Variants in RAPGEF4 observed in about 807,000 individuals in gnomAD.
The protein encoded by RAPGEF4 is Rap guanine nucleotide exchange factor 4.
Under a neutral mutation model 147.9 loss-of-function variants are expected in RAPGEF4, and 66 were observed. The observed-to-expected ratio is 0.45, with a 90% CI of 0.37 to 0.55. RAPGEF4 has a LOEUF of 0.55. RAPGEF4 is among the 20% of genes least tolerant of loss of function. The pLI, the probability that RAPGEF4 is intolerant of heterozygous loss-of-function variation, is 0.00. For synonymous variants in RAPGEF4, 419 were observed against 442.7 expected, an observed-to-expected ratio of 0.95 and a Z score of 0.67; for missense variants, 1,071 against 1,257.3, an observed-to-expected ratio of 0.85 and a Z score of 2.24.
At chr2:172,816,455 A>G (rs1411473014) in intron 4 of RAPGEF4, among the ~76,000 whole-genome samples, 12 of 152,150 alleles carry the variant, frequency 7.9e-5, no homozygotes, top group African/African-American at 2.7e-4. Context: ...TAAAGGTTTG[A>G]TTAGATCAAG....
chr2:172,895,287 G>A (rs1301947589), intron 4 of RAPGEF4, among the ~76,000 whole-genome samples: 1 of 152,144 alleles, frequency 6.6e-6, no homozygotes, highest in Non-Finnish European at 1.5e-5. Flanking sequence ...TTGTCCATAG[G>A]ATTTAATTAA....
intron 4 of RAPGEF4, among the ~76,000 whole-genome samples, chr2:172,880,519 T>C (rs1575120825): frequency 6.6e-6 from 1 of 152,224 alleles, no homozygotes; most frequent in East Asian, 1.9e-4. Flanking sequence ...ATAAAAAGTC[T>C]AGATTTTGAA....
chr2:173,038,017 C>G (rs187665033), intron 29 of RAPGEF4, among the ~76,000 whole-genome samples: 1 of 152,234 alleles, frequency 6.6e-6, no homozygotes, highest in Admixed American at 6.5e-5. Context: ...ATTGCAAAGC[C>G]CAGTCTGGTC....
chr2:172,891,232 A>G (rs1323505415), intron 4 of RAPGEF4, among the ~76,000 whole-genome samples: 1 of 152,150 alleles, frequency 6.6e-6, no homozygotes, highest in Non-Finnish European at 1.5e-5. Context: ...CAGATCTCAC[A>G]CCCATGAAGA....
intron 25 of RAPGEF4, among the ~76,000 whole-genome samples, chr2:173,028,400 T>A (rs1696859435): frequency 6.6e-6 from 1 of 152,186 alleles, no homozygotes; most frequent in Non-Finnish European, 1.5e-5. Context: ...AGAAGCACAC[T>A]CTCTCTCTTC....
intron 4 of RAPGEF4, among the ~76,000 whole-genome samples, chr2:172,817,933 TTA>T (rs1410095551): frequency 3.4e-5 from 5 of 146,342 alleles, no homozygotes; most frequent in Non-Finnish European, 6.0e-5. Context: ...CATATTACAA[TTA>T]TATATATAAT....
At chr2:172,746,228 GT>G (rs1397108385) in intron 1 of RAPGEF4, among the ~76,000 whole-genome samples, 12 of 152,196 alleles carry the variant, frequency 7.9e-5, no homozygotes, top group Admixed American at 4.6e-4. Flanking sequence ...TTACATTCTT[GT>G]TTGGCTATCA....
At chr2:172,790,158 G>C (rs1332396552) in intron 1 of RAPGEF4, among the ~76,000 whole-genome samples, 1 of 151,944 alleles carries the variant, frequency 6.6e-6, no homozygotes, top group East Asian at 1.9e-4. Flanking sequence ...TAGATGTAAG[G>C]TAATATCTCA....
chr2:172,912,314 C>T (rs1559114899), intron 4 of RAPGEF4, among the ~76,000 whole-genome samples: 1 of 152,124 alleles, frequency 6.6e-6, no homozygotes, highest in Non-Finnish European at 1.5e-5. Context: ...AAAACCATAC[C>T]CATGTGCATC....
Position 172,795,068 on chromosome 2 carries a change from C to T in RAPGEF4, c.109C>T (p.Arg37Ter). ...CGAAGATGTGGATATAATCTTCACT[C>T]GACTGAAAGAAGTTAAAGCTTTTGA... ...SSEDVDIIFT[R>*]LKEVKAFEKF... is the part of the protein sequence containing the mutation. The change falls in exon 2 of 31, where the codon CGA (arginine) becomes TGA (stop). Residue 37 changes from arginine to a stop codon, truncating the protein, a stop_gained. Transcript: ENST00000397081. LOFTEE classifies it high-confidence loss of function. 1.9e-6 allele frequency: 3 copies of T among 1,613,848 alleles called. No homozygotes were observed. The highest frequency in any genetic ancestry group is 2.2e-5 in the East Asian group (1 of 44,864).
chr2:172,782,811 T>C (rs994279741), intron 1 of RAPGEF4, among the ~76,000 whole-genome samples: 3 of 152,202 alleles, frequency 2.0e-5, no homozygotes, highest in African/African-American at 7.2e-5. Context: ...GGGACAATTA[T>C]GGTAGACTTC....
At chr2:173,012,515 A>G (rs967818477) in intron 17 of RAPGEF4, among the ~76,000 whole-genome samples, 2 of 152,168 alleles carry the variant, frequency 1.3e-5, no homozygotes, top group Non-Finnish European at 2.9e-5. Flanking sequence ...ATAAAACTAA[A>G]CCAAAGAAAG....
chr2:173,001,689 C>T (rs1005535860), intron 17 of RAPGEF4, among the ~76,000 whole-genome samples: 9 of 152,002 alleles, frequency 5.9e-5, no homozygotes, highest in African/African-American at 2.2e-4. Context: ...TCGTGCCAGC[C>T]TCTGTTTCTG....
chr2:172,741,853 T>C (rs1189591044), intron 1 of RAPGEF4, among the ~76,000 whole-genome samples: 1 of 152,126 alleles, frequency 6.6e-6, no homozygotes, highest in Non-Finnish European at 1.5e-5. Context: ...AAAAATTTTT[T>C]GTAGAGATGG....
intron 4 of RAPGEF4, among the ~76,000 whole-genome samples, chr2:172,818,278 A>G (rs914581010): frequency 6.6e-6 from 1 of 152,152 alleles, no homozygotes; most frequent in African/African-American, 2.4e-5. Flanking sequence ...AGAAGTCACC[A>G]CTAAAAAACT....
At chr2:173,023,839 C>T (rs761333426) in intron 23 of RAPGEF4, among the ~76,000 whole-genome samples, 2 of 152,130 alleles carry the variant, frequency 1.3e-5, no homozygotes, top group Non-Finnish European at 1.5e-5. Flanking sequence ...GCAGGAATAA[C>T]GTAGGAGGGG....
chr2:173,045,796 A>C (rs988316542), intron 29 of RAPGEF4, among the ~76,000 whole-genome samples: 1 of 152,234 alleles, frequency 6.6e-6, no homozygotes, highest in Non-Finnish European at 1.5e-5. Context: ...AAACAGTGGG[A>C]GAGCCACTGT....
At chr2:172,772,129 C>T (rs1301161329) in intron 1 of RAPGEF4, among the ~76,000 whole-genome samples, 2 of 151,876 alleles carry the variant, frequency 1.3e-5, no homozygotes, top group Non-Finnish European at 2.9e-5. Context: ...GTCTCAGCTA[C>T]TCGGGAGGCT....
At chr2:172,775,610 C>T (rs1210248871) in intron 1 of RAPGEF4, among the ~76,000 whole-genome samples, 1 of 152,032 alleles carries the variant, frequency 6.6e-6, no homozygotes, top group African/African-American at 2.4e-5. Flanking sequence ...AAGCTGTTTC[C>T]AAAAAGAATG....
Sources: allele counts gnomAD v4.1 joint callset (sites outside exome capture counted in the v4.1 genomes callset), GRCh38; gene constraint gnomAD v4.1.1; transcripts MANE v1.5; gene names NCBI Gene and HGNC (gene_info 2026-07-23, HGNC 2026-07-21).